Variants in HEATR1 observed in about 807,000 individuals in gnomAD.
HEATR1 encodes the protein HEAT repeat containing 1.
In HEATR1, 77 loss-of-function variants were observed where a neutral mutation model predicts 248.2. That is an observed-to-expected ratio of 0.31 (90% CI 0.26 to 0.37). The LOEUF (loss-of-function observed/expected upper bound fraction) is 0.37, where lower values mean the gene tolerates loss of function less well. Among genes scored for constraint, HEATR1 ranks in the 10% least tolerant of loss-of-function variants. HEATR1 has a pLI of 1.00. For synonymous variants in HEATR1, 897 were observed against 923.1 expected, an observed-to-expected ratio of 0.97 and a Z score of 0.51; for missense variants, 2,420 against 2,504.9, an observed-to-expected ratio of 0.97 and a Z score of 0.72.
At chr1:236,603,517 G>A in intron 2 of HEATR1, 141 bp from the exon 3 acceptor site, 1 of 648,674 alleles carries the variant, frequency 1.5e-6, no homozygotes. Context: ...CCCAAACACT[G>A]ATTTCTAGTT....
chr1:236,580,291 A>G (rs532737194), intron 20 of HEATR1, among the ~76,000 whole-genome samples: 44 of 152,330 alleles, frequency 2.9e-4, no homozygotes, highest in Admixed American at 9.8e-4. Context: ...TAAATGCAGG[A>G]GGGTTTTGTT....
chr1:236,553,755 C>G lies in HEATR1; in HGVS notation c.6079-16G>C, dbSNP rs369789078. 2.5e-6 allele frequency: 4 copies of G among 1,595,814 alleles called. No homozygotes were observed. Among genetic ancestry groups the G allele is most frequent in the Non-Finnish European group, 3.4e-6 (4 of 1,171,862 alleles). On this transcript the variant is annotated splice_polypyrimidine_tract_variant and intron_variant, in intron 42 of 44. Coordinates refer to ENST00000366582, the MANE Select transcript of HEATR1 (RefSeq NM_018072.6). ...TGTTTTCCAGCTAGGAAGAGTAAGA[C>G]AAAGACTTTGAACAACAAGTCTCAT... is the stretch of plus-strand genomic sequence containing the variant.
chr1:236,561,088 C>G (rs1663118400), intron 33 of HEATR1, 137 bp downstream of exon 33: 2 of 674,652 alleles, frequency 3.0e-6, no homozygotes, highest in Admixed American at 2.7e-5. Context: ...AACGCTAAGG[C>G]AAATGTGGCA....
In HEATR1 at chr1:236,604,024, A is replaced by C. The variant is rs1664400225; in HGVS notation, c.72T>G (p.Asp24Glu). 1 of 1,599,354 alleles carries C rather than the reference A, an allele frequency of 6.3e-7. No homozygotes were observed. Among genetic ancestry groups the C allele is most frequent in the Non-Finnish European group, 8.5e-7 (1 of 1,174,550 alleles). The stretch of plus-strand genomic sequence containing the variant: ...GGTCAAATAACAAAGAAGCAACTTC[A>C]TCTCTAGATAAGAGGCTGGCATCAC... Reference protein sequence around the residue: ...PQSDASLLSRDEVASLLFDPK... With the variant: ...PQSDASLLSREEVASLLFDPK... Residue 24 changes from aspartate (D) to glutamate (E), a missense_variant, in exon 2 of 45, where the codon GAT (aspartate) becomes GAG (glutamate). Coordinates refer to ENST00000366582, the MANE Select transcript of HEATR1 (RefSeq NM_018072.6).
intron 20 of HEATR1, among the ~76,000 whole-genome samples, chr1:236,580,519 CTTTT>C (rs10692063): frequency 7.6e-6 from 1 of 132,122 alleles, no homozygotes; most frequent in African/African-American, 2.7e-5. Context: ...ATGTACAGCC[CTTTT>C]TTTTTTTTTT....
In HEATR1 at chr1:236,585,232, C is replaced by A. The variant is rs754529558; in HGVS notation, c.2050-16G>T. 4.4e-5 allele frequency: 71 copies of A among 1,596,818 alleles called. No homozygotes were observed. Among genetic ancestry groups the A allele is most frequent in the Non-Finnish European group, 3.1e-5 (36 of 1,172,104 alleles). ...AATCCTCCACCTTGAAAAATAAACA[C>A]ACTCTATTACCAGTTGCTCTTGATT... On this transcript the variant is annotated splice_polypyrimidine_tract_variant and intron_variant, in intron 16 of 44. Coordinates refer to ENST00000366582, the MANE Select transcript of HEATR1 (RefSeq NM_018072.6).
chr1:236,568,890 A>AAC (rs1558182021), intron 29 of HEATR1, 106 bp downstream of exon 29: 1 of 607,606 alleles, frequency 1.6e-6, no homozygotes, highest in South Asian at 4.9e-5. Context: ...GATATTAAAA[A>AAC]AAAAAAACAA....
chr1:236,583,636 G>A (rs1004467159), intron 17 of HEATR1, among the ~76,000 whole-genome samples: 11 of 151,962 alleles, frequency 7.2e-5, no homozygotes, highest in Admixed American at 1.3e-4. Context: ...ACAGGTGCCC[G>A]CCATCATGCC....
At chr1:236,568,895 A>AAAC in intron 29 of HEATR1, 101 bp downstream of exon 29, 2 of 621,608 alleles carry the variant, frequency 3.2e-6, no homozygotes, top group African/African-American at 3.5e-5. Flanking sequence ...TAAAAAAAAA[A>AAAC]AACAAAAAAA....
Position 236,550,739 on chromosome 1 carries a change from C to T in HEATR1, c.*163G>A. 2 of 571,070 alleles carry T rather than the reference C, an allele frequency of 3.5e-6. No individual in the cohort carries two copies. The highest frequency in any genetic ancestry group is 6.1e-6 in the Non-Finnish European group (2 of 327,738). The allele number at this position is 571,070 out of a possible 1,614,324, so 35.4% of individuals were successfully genotyped here. A position where few individuals can be genotyped will look rare whatever the true frequency, so the allele number is the denominator to read the frequency against. ...TAGGCAGGAGAGGCTTATGTGGCAG[C>T]ACAAGCCAGGTGGGGATTTTGTAAA... is the stretch of plus-strand genomic sequence containing the variant. On this transcript the variant is annotated 3_prime_UTR_variant, in exon 45 of 45. Transcript: ENST00000366582.
At chr1:236,569,894 C>A (rs568993657) in intron 28 of HEATR1, among the ~76,000 whole-genome samples, 1 of 152,090 alleles carries the variant, frequency 6.6e-6, no homozygotes, top group African/African-American at 2.4e-5. Context: ...GTCCATCAAC[C>A]GATGAACAGA....
At chr1:236,597,074 A>G (rs1030798890) in intron 5 of HEATR1, 98 bp from the exon 6 acceptor site, 1 of 1,055,744 alleles carries the variant, frequency 9.5e-7, no homozygotes, top group Non-Finnish European at 1.4e-6. Flanking sequence ...TCAATGAACT[A>G]TGATGGCACC....
intron 16 of HEATR1, 62 bp downstream of exon 16, chr1:236,585,758 C>A: frequency 2.0e-6 from 3 of 1,528,454 alleles, no homozygotes; most frequent in East Asian, 2.3e-5. Context: ...AAAGCAAAAG[C>A]TGAGAATTTA....
intron 36 of HEATR1, among the ~76,000 whole-genome samples, chr1:236,557,960 A>C (rs977722276): frequency 6.6e-6 from 1 of 152,138 alleles, no homozygotes; most frequent in African/African-American, 2.4e-5. Context: ...TCTTTAAGAG[A>C]CAGGGTCTCA....
Position 236,603,293 on chromosome 1 carries a change from T to C in HEATR1, c.226A>G (p.Thr76Ala). Reference protein sequence around the residue: ...EAPLFSQLAKTLERSVQTKAV... With the variant: ...EAPLFSQLAKALERSVQTKAV... ...TTGGTCTGAACACTTCGCTCCAAGG[T>C]TTTTGCTAGCTGACTGAACAACGGT... The change falls in exon 3 of 45, where the codon ACC (threonine) becomes GCC (alanine). Residue 76 changes from threonine to alanine, a missense_variant. Thr to Ala is a moderately conservative substitution (Grantham distance 58). Transcript: ENST00000366582. 1 of 1,614,114 alleles carries C rather than the reference T, an allele frequency of 6.2e-7. No individual in the cohort carries two copies. The highest frequency in any genetic ancestry group is 1.7e-5 in the Admixed American group (1 of 60,022).
intron 5 of HEATR1, 52 bp from the exon 6 acceptor site, chr1:236,597,028 A>C (rs1426356447): frequency 5.7e-6 from 9 of 1,570,372 alleles, no homozygotes; most frequent in Non-Finnish European, 6.9e-6. Flanking sequence ...GGGAGGTAGA[A>C]GGATTGCTTG....
chr1:236,571,164 C>A (rs955542717), intron 28 of HEATR1, among the ~76,000 whole-genome samples, 187 bp downstream of exon 28: 2 of 152,144 alleles, frequency 1.3e-5, no homozygotes, highest in African/African-American at 4.8e-5. Context: ...AAAAGGGAAA[C>A]CAAAGCTTAG....
intron 19 of HEATR1, 69 bp downstream of exon 19, chr1:236,582,667 T>G: frequency 6.5e-7 from 1 of 1,545,416 alleles, no homozygotes; most frequent in Non-Finnish European, 8.9e-7. Context: ...CCTCCCAAAG[T>G]GCTGGGATTG....
intron 2 of HEATR1, among the ~76,000 whole-genome samples, 195 bp downstream of exon 2, chr1:236,603,759 C>T (rs538757560): frequency 2.6e-5 from 4 of 151,976 alleles, no homozygotes; most frequent in South Asian, 4.2e-4. Context: ...AATCCAGATA[C>T]CTCTACTCAT....
Sources: allele counts gnomAD v4.1 joint callset (sites outside exome capture counted in the v4.1 genomes callset), GRCh38; gene constraint gnomAD v4.1.1; transcripts MANE v1.5; gene names NCBI Gene and HGNC (gene_info 2026-07-23, HGNC 2026-07-21).